The following KIAA1217 variants were observed in gnomAD, a reference collection of about 807,000 sequenced individuals.
The protein encoded by KIAA1217 is KIAA1217.
In KIAA1217, 88 loss-of-function variants were observed where a neutral mutation model predicts 163.9. The observed-to-expected ratio is 0.54, with a 90% CI of 0.45 to 0.64. KIAA1217 has a LOEUF of 0.64. KIAA1217 is among the 30% of genes least tolerant of loss of function. The pLI is 0.00. For missense variants in KIAA1217, 2,372 were observed against 2,475.0 expected, an observed-to-expected ratio of 0.96 and a Z score of 0.88; for synonymous variants, 903 against 923.1, an observed-to-expected ratio of 0.98 and a Z score of 0.39.
At chr10:23,977,318 A>G (rs999552288) in intron 1 of KIAA1217, among the ~76,000 whole-genome samples, 1 of 152,106 alleles carries the variant, frequency 6.6e-6, no homozygotes, top group African/African-American at 2.4e-5. Flanking sequence ...AAACACTTTC[A>G]TTTTCCTGCT....
intron 1 of KIAA1217, among the ~76,000 whole-genome samples, chr10:23,858,604 T>C (rs1406396120): frequency 6.6e-6 from 1 of 152,126 alleles, no homozygotes; most frequent in African/African-American, 2.4e-5. Context: ...CTGAATATCA[T>C]AAAAATGATT....
intron 1 of KIAA1217, among the ~76,000 whole-genome samples, chr10:23,885,999 A>C (rs2131201653): frequency 6.6e-6 from 1 of 151,984 alleles, no homozygotes; most frequent in African/African-American, 2.4e-5. Flanking sequence ...TCATCACTTC[A>C]CAGTCATGAA....
intron 3 of KIAA1217, among the ~76,000 whole-genome samples, chr10:24,385,538 G>T (rs3858212): frequency 0.4 from 60,230 of 151,866 alleles, 14,449 homozygotes; most frequent in African/African-American, 0.68. Flanking sequence ...CCTTTCTGAG[G>T]CTTAGAGCCT....
chr10:24,346,343 G>T (rs983955903), intron 2 of KIAA1217, among the ~76,000 whole-genome samples: 2 of 151,696 alleles, frequency 1.3e-5, no homozygotes, highest in Non-Finnish European at 2.9e-5. Context: ...ATGGTGGCGG[G>T]CACCTGCAGT....
intron 8 of KIAA1217, among the ~76,000 whole-genome samples, chr10:24,497,256 A>G (rs1279129199): frequency 1.3e-5 from 2 of 152,346 alleles, no homozygotes; most frequent in Non-Finnish European, 2.9e-5. Context: ...TACTTATGGA[A>G]TGTGTAGTTT....
intron 1 of KIAA1217, among the ~76,000 whole-genome samples, chr10:23,819,877 T>C (rs1433463770): frequency 1.3e-5 from 2 of 152,184 alleles, no homozygotes; most frequent in Non-Finnish European, 2.9e-5. Context: ...TGCTCTTGAA[T>C]AAGCCATCCT....
intron 6 of KIAA1217, chr10:24,482,846 C>A (rs1235273889): frequency 6.6e-6 from 1 of 152,028 alleles, no homozygotes; most frequent in East Asian, 1.9e-4. Flanking sequence ...AGAGTGAGAT[C>A]CCATCTCTAC....
intron 2 of KIAA1217, among the ~76,000 whole-genome samples, chr10:24,244,900 A>G (rs1275140793): frequency 6.6e-6 from 1 of 151,884 alleles, no homozygotes; most frequent in Non-Finnish European, 1.5e-5. Flanking sequence ...TGATACTTTT[A>G]CTTCCTGACC....
chr10:23,900,481 A>G (rs2131242549), intron 1 of KIAA1217, among the ~76,000 whole-genome samples: 1 of 152,272 alleles, frequency 6.6e-6, no homozygotes, highest in South Asian at 2.1e-4. Flanking sequence ...TCAAACAATA[A>G]AAATTGTTCC....
At chr10:24,037,436 G>C (rs1040893260) in intron 2 of KIAA1217, among the ~76,000 whole-genome samples, 6 of 152,220 alleles carry the variant, frequency 3.9e-5, no homozygotes, top group African/African-American at 1.4e-4. Context: ...GTTGCAGTGA[G>C]CCAAGATCGC....
intron 15 of KIAA1217, among the ~76,000 whole-genome samples, chr10:24,532,236 A>G (rs569705715): frequency 8.8e-4 from 134 of 152,306 alleles, no homozygotes; most frequent in African/African-American, 3.2e-3. Flanking sequence ...ATCACAAGCT[A>G]TTTCCCATGT....
At chr10:23,811,140 A>G (rs1161314287) in intron 1 of KIAA1217, among the ~76,000 whole-genome samples, 1 of 140,284 alleles carries the variant, frequency 7.1e-6, no homozygotes, top group Non-Finnish European at 1.5e-5. Context: ...TATATAGATT[A>G]TACTATGTAT....
chr10:23,917,738 T>C (rs147558658), intron 1 of KIAA1217, among the ~76,000 whole-genome samples: 31 of 152,270 alleles, frequency 2.0e-4, no homozygotes, highest in African/African-American at 7.5e-4. Flanking sequence ...ACAAATGGTG[T>C]CTGTTTCTCG....
At chr10:24,529,177 C>G (rs947247988) in intron 14 of KIAA1217, among the ~76,000 whole-genome samples, 1 of 152,138 alleles carries the variant, frequency 6.6e-6, no homozygotes, top group African/African-American at 2.4e-5. Context: ...AACCACCGTA[C>G]AGTCATCCCT....
chr10:24,318,205 G>A (rs1278940780), intron 2 of KIAA1217, among the ~76,000 whole-genome samples: 1 of 143,530 alleles, frequency 7.0e-6, no homozygotes, highest in Non-Finnish European at 1.5e-5. Flanking sequence ...GTAGGTAGAT[G>A]ATAGATAGAT....
intron 2 of KIAA1217, among the ~76,000 whole-genome samples, chr10:24,128,172 T>G (rs1007776223): frequency 3.9e-5 from 6 of 152,192 alleles, no homozygotes; most frequent in Admixed American, 3.3e-4. Flanking sequence ...TTTTCTTAAT[T>G]AAGAATTACC....
chr10:24,474,569 G>A (rs1192470681), intron 6 of KIAA1217, among the ~76,000 whole-genome samples: 1 of 152,156 alleles, frequency 6.6e-6, no homozygotes, highest in African/African-American at 2.4e-5. Flanking sequence ...TTTCTAGGAG[G>A]ATAAACATCT....
chr10:24,249,406 T>C (rs534358104), intron 2 of KIAA1217, among the ~76,000 whole-genome samples: 2 of 152,318 alleles, frequency 1.3e-5, no homozygotes, highest in South Asian at 4.1e-4. Context: ...ACGCAATTTT[T>C]ATTAAAGAGA....
At chr10:24,147,125 A>G (rs896204348) in intron 2 of KIAA1217, among the ~76,000 whole-genome samples, 2 of 151,982 alleles carry the variant, frequency 1.3e-5, no homozygotes, top group African/African-American at 2.4e-5. Flanking sequence ...CTGTGAATCT[A>G]GAATGGTTTG....
Sources: gnomAD v4.1 joint callset for allele counts (sites outside exome capture counted in the v4.1 genomes callset) on GRCh38, gnomAD v4.1.1 for gene constraint, MANE v1.5 for transcripts, NCBI Gene and HGNC (gene_info 2026-07-23, HGNC 2026-07-21) for gene names.